The following RAB26 variants were observed in gnomAD, a reference collection of about 807,000 sequenced individuals.
The protein encoded by RAB26 is ras-related protein Rab-26.
Under a neutral mutation model 33.1 loss-of-function variants are expected in RAB26, and 39 were observed. The ratio of observed to expected loss-of-function variants is 1.18; its 90% CI spans 0.91 to 1.54. RAB26 has a LOEUF of 1.54. Ranked by LOEUF, RAB26 falls within the 40% of genes most tolerant of loss-of-function variation. RAB26 has a pLI of 0.00. For synonymous variants in RAB26, 192 were observed against 151.9 expected (o/e 1.26, Z -1.94); for missense variants, 468 against 362.9 (o/e 1.29, Z -2.35).
rs1375893103 is a variant in RAB26, at chr16:2,153,696, G to A, written c.*275G>A. 2 of 614,924 alleles carry A rather than the reference G, an allele frequency of 3.3e-6. No individual in the cohort carries two copies. The highest frequency in any genetic ancestry group is 2.5e-4 in the Middle Eastern group (1 of 3,966). The allele number at this position is 614,924 out of a possible 1,614,324, so 38.1% of individuals were successfully genotyped here. Reference sequence around the variant, plus strand: ...TGGACAGACTTTGCCACGGTGCTCTGCTGCCCCCTCCTGGGCACGTCCAGG... The same window carrying A: ...TGGACAGACTTTGCCACGGTGCTCTACTGCCCCCTCCTGGGCACGTCCAGG... On this transcript the variant is annotated 3_prime_UTR_variant, in exon 9 of 9. Transcript: ENST00000210187.
rs1185429166 is a variant in RAB26, at chr16:2,148,686, G to A, written c.-98G>A. ...CGCCGCCGCCGCCGCCGCCGCCAGG[G>A]GAAGGGTTCGGGTCCGGGTCGGGCT... On this transcript the variant is annotated 5_prime_UTR_variant, in exon 1 of 9. Transcript: ENST00000210187. The A allele has an allele frequency of 7.9e-6, 8 of 1,013,596 alleles. No individual in the cohort carries two copies. Among genetic ancestry groups the A allele is most frequent in the Non-Finnish European group, 1.0e-5 (8 of 803,910 alleles). The allele number at this position is 1,013,596 out of a possible 1,614,324, so 62.8% of individuals were successfully genotyped here. A position where few individuals can be genotyped will look rare whatever the true frequency, so the allele number is the denominator to read the frequency against.
chr16:2,148,630 AG>A lies in RAB26; in HGVS notation c.-153del. On this transcript the variant is annotated 5_prime_UTR_variant, in exon 1 of 9. Transcript: ENST00000210187. Reference sequence around the variant, plus strand: ...CGTGGAGCGGCGGGGGCGGGGCGCGAGCCGGGCGCCCGGGATGATGCCGCCG... The same window carrying A: ...CGTGGAGCGGCGGGGGCGGGGCGCGACCGGGCGCCCGGGATGATGCCGCCG... 1 of 377,420 alleles carries A rather than the reference AG, an allele frequency of 2.6e-6. No homozygotes were observed. The highest frequency in any genetic ancestry group is 3.5e-6 in the Non-Finnish European group (1 of 282,142). The allele number at this position is 377,420 out of a possible 1,614,324, so 23.4% of individuals were successfully genotyped here.
Position 2,153,234 on chromosome 16 carries a change from C to CACCATAGCAAAGTA in RAB26, c.668+13_668+14insCCATAGCAAAGTAA. On this transcript the variant is annotated intron_variant, in intron 8 of 8. Transcript: ENST00000210187. The stretch of plus-strand genomic sequence containing the variant: ...ACAGCCATAGCAAAGTAAGTCCTGC[C>CACCATAGCAAAGTA]AGTCACCAGGACTCCCCCAGCCCAG... The CACCATAGCAAAGTA allele has an allele frequency of 6.2e-7, 1 of 1,613,714 alleles. No individual in the cohort carries two copies. The highest frequency in any genetic ancestry group is 8.5e-7 in the Non-Finnish European group (1 of 1,179,956).
At chr16:2,152,147 T>A (rs1432847988) in intron 5 of RAB26, among the ~76,000 whole-genome samples, 1 of 152,168 alleles carries the variant, frequency 6.6e-6, no homozygotes, top group Non-Finnish European at 1.5e-5. Context: ...CACGGGGGGT[T>A]ATCACTTCTA....
chr16:2,151,023 T>C (rs2093003204), intron 2 of RAB26: 1 of 336,168 alleles, frequency 3.0e-6, no homozygotes, highest in Admixed American at 4.2e-5. Flanking sequence ...CTGGGGACGC[T>C]GCCAGGCAGT....
At chr16:2,151,500 C>A (rs913986367) in intron 2 of RAB26, 69 bp from the exon 3 acceptor site, 1 of 1,605,778 alleles carries the variant, frequency 6.2e-7, no homozygotes, top group African/African-American at 1.3e-5. Context: ...GACAGGAAGG[C>A]AGTGAAGCTA....
intron 1 of RAB26, 145 bp from the exon 2 acceptor site, chr16:2,149,796 T>C (rs183147453): frequency 3.9e-4 from 224 of 572,688 alleles, no homozygotes; most frequent in African/African-American, 3.7e-3. Context: ...ATACGCTGGG[T>C]GTCCAGCCCA....
upstream of RAB26, chr16:2,148,516 C>T (rs909812203): frequency 1.3e-5 from 2 of 153,348 alleles, no homozygotes; most frequent in Admixed American, 6.5e-5. Flanking sequence ...CCCCCACCCC[C>T]CGCCGAGCGG....
At chr16:2,151,306 G>A (rs2093004149) in intron 2 of RAB26, 1 of 603,176 alleles carries the variant, frequency 1.7e-6, no homozygotes, top group Non-Finnish European at 3.0e-6. Flanking sequence ...AGGAAACCGA[G>A]GCAGTGTCAG....
intron 5 of RAB26, among the ~76,000 whole-genome samples, chr16:2,152,351 CTGG>C (rs1272814749): frequency 2.0e-5 from 3 of 152,170 alleles, no homozygotes; most frequent in African/African-American, 7.2e-5. Context: ...GCACTCCAGC[CTGG>C]ACAACAGAGC....
chr16:2,152,740 G>A, intron 5 of RAB26, 80 bp from the exon 6 acceptor site: 1 of 932,392 alleles, frequency 1.1e-6, no homozygotes. Flanking sequence ...GCCCTCTACA[G>A]TGTGACCTGG....
In RAB26 at chr16:2,152,803, T is replaced by A; in HGVS notation, c.469-17T>A. On this transcript the variant is annotated splice_polypyrimidine_tract_variant and intron_variant, in intron 5 of 8. Coordinates refer to ENST00000210187, the MANE Select transcript of RAB26 (RefSeq NM_014353.5). The stretch of plus-strand genomic sequence containing the variant: ...AGCCATGCAGGGAGCCCCAGCCTGG[T>A]CTGCTGCCTCCCACAGGCCTGGCTG... 6.3e-7 allele frequency: 1 copy of A among 1,599,826 alleles called. No homozygotes were observed.
chr16:2,152,641 C>T (rs1012402344), intron 5 of RAB26, among the ~76,000 whole-genome samples, 179 bp from the exon 6 acceptor site: 1 of 133,904 alleles, frequency 7.5e-6, no homozygotes, highest in South Asian at 2.4e-4. Context: ...TGCAGTGAGT[C>T]GAGATGGAGC....
intron 2 of RAB26, among the ~76,000 whole-genome samples, chr16:2,150,266 G>A (rs1311253140): frequency 5.9e-5 from 9 of 152,236 alleles, no homozygotes; most frequent in Admixed American, 3.3e-4. Context: ...CATATCCTGT[G>A]CCTTGGGGGA....
intron 2 of RAB26, chr16:2,151,165 T>C: frequency 4.3e-6 from 2 of 465,730 alleles, no homozygotes; most frequent in Non-Finnish European, 8.5e-6. Context: ...TGGAGTGCAG[T>C]GGTGATCATG....
chr16:2,153,562 C>T lies in RAB26; in HGVS notation c.*141C>T. ...TCAGGAGCCCCAGGTCAAGCCTTGT[C>T]CCTTCCTCCTCCCAGCAACAGTCCC... On this transcript the variant is annotated 3_prime_UTR_variant, in exon 9 of 9. Transcript: ENST00000210187. 4.0e-6 allele frequency: 3 copies of T among 750,982 alleles called. No individual in the cohort carries two copies. Among genetic ancestry groups the T allele is most frequent in the South Asian group, 1.7e-5 (1 of 59,152 alleles). 46.5% of individuals were successfully genotyped at this position (750,982 alleles called of 1,614,324 possible).
intron 7 of RAB26, 25 bp from the exon 8 acceptor site, chr16:2,153,121 C>T: frequency 6.2e-7 from 1 of 1,613,636 alleles, no homozygotes; most frequent in South Asian, 1.1e-5. Flanking sequence ...CAGGCCACCA[C>T]CTGGCTGGCA....
At chr16:2,152,938 G>A (rs775188950) in intron 6 of RAB26, 51 bp from the exon 7 acceptor site, 6 of 1,586,442 alleles carry the variant, frequency 3.8e-6, no homozygotes, top group Admixed American at 1.8e-5. Context: ...AGGTGAGGGG[G>A]CAGGGGCCAA....
Position 2,148,662 on chromosome 16 carries a change from G to GCCA in RAB26, c.-120_-119insACC. ...CGCCCGGGATGATGCCGCCGCCGCC[G>GCCA]CCGCCGCCGCCGCCGCCGCCAGGGG... On this transcript the variant is annotated 5_prime_UTR_variant, in exon 1 of 9. Transcript: ENST00000210187. 1.1e-6 allele frequency: 1 copy of GCCA among 905,922 alleles called. No individual in the cohort carries two copies. The highest frequency in any genetic ancestry group is 1.4e-6 in the Non-Finnish European group (1 of 729,660). The allele number at this position is 905,922 out of a possible 1,614,324, so 56.1% of individuals were successfully genotyped here.
Sources: allele counts gnomAD v4.1 joint callset (sites outside exome capture counted in the v4.1 genomes callset), GRCh38; gene constraint gnomAD v4.1.1; transcripts MANE v1.5; gene names NCBI Gene and HGNC (gene_info 2026-07-23, HGNC 2026-07-21).